Variants in VRK1 observed in about 807,000 individuals in gnomAD.
VRK1 encodes VRK serine/threonine kinase 1.
A neutral mutation model predicts 57.1 loss-of-function variants in VRK1; 33 were observed. That is an observed-to-expected ratio of 0.58 (90% CI 0.44 to 0.77). The LOEUF (loss-of-function observed/expected upper bound fraction) is 0.77, where lower values mean the gene tolerates loss of function less well. VRK1 is among the 30% of genes least tolerant of loss of function. The pLI is 0.00. For missense variants in VRK1, 413 were observed against 477.3 expected (o/e 0.87, Z 1.25); for synonymous variants, 137 against 147.8 (o/e 0.93, Z 0.53).
At chr14:96,837,454 A>G (rs1887264788) in intron 2 of VRK1, among the ~76,000 whole-genome samples, 1 of 152,222 alleles carries the variant, frequency 6.6e-6, no homozygotes, top group South Asian at 2.1e-4. Flanking sequence ...CACAATATCC[A>G]CTAGCATATC....
chr14:96,800,406 A>G (rs1008063399), intron 1 of VRK1, among the ~76,000 whole-genome samples: 10 of 152,120 alleles, frequency 6.6e-5, no homozygotes, highest in Admixed American at 1.3e-4. Flanking sequence ...TGAGTGACAT[A>G]TGGGCAACAC....
At chr14:96,862,955 GT>G (rs1888449367) in intron 11 of VRK1, among the ~76,000 whole-genome samples, 1 of 152,092 alleles carries the variant, frequency 6.6e-6, no homozygotes, top group Non-Finnish European at 1.5e-5. Flanking sequence ...TTGTATTTAG[GT>G]TCCTAAGAAA....
At chr14:96,853,649 AT>A (rs58517994) in intron 7 of VRK1, among the ~76,000 whole-genome samples, 38 of 148,710 alleles carry the variant, frequency 2.6e-4, no homozygotes, top group Non-Finnish European at 2.4e-4. Flanking sequence ...TCAAATGTGC[AT>A]TTTTTTTTTA....
intron 11 of VRK1, among the ~76,000 whole-genome samples, chr14:96,865,876 A>T (rs1888567523): frequency 6.6e-6 from 1 of 150,480 alleles, no homozygotes; most frequent in Admixed American, 6.6e-5. Context: ...TTCTGTAATG[A>T]TTGTTTTGTT....
At chr14:96,849,065 C>T (rs1312629843) in intron 5 of VRK1, among the ~76,000 whole-genome samples, 2 of 151,992 alleles carry the variant, frequency 1.3e-5, no homozygotes, top group African/African-American at 4.8e-5. Context: ...GAGAAGGAGT[C>T]GGTGGCAGAT....
rs536411111 is a variant in VRK1, at chr14:96,825,585, G to A, written c.-5-7882G>A. 2.6e-5 allele frequency among the ~76,000 whole-genome samples: 4 copies of A among 152,322 alleles called. No individual in the cohort carries two copies. In the East Asian group the frequency reaches 7.7e-4, roughly 29 times the overall value. On this transcript the variant is annotated intron_variant, in intron 1 of 12. Transcript: ENST00000216639. ...GAAAGTTATTTGTCACATGCAATAA[G>A]AGGTACAAACAGTACTGAAACTTCA... is the stretch of plus-strand genomic sequence containing the variant.
chr14:96,819,489 C>T (rs1314139031), intron 1 of VRK1, among the ~76,000 whole-genome samples: 1 of 152,084 alleles, frequency 6.6e-6, no homozygotes, highest in Non-Finnish European at 1.5e-5. Context: ...TGGAGTAAGG[C>T]CTTTACTGTT....
intron 12 of VRK1, among the ~76,000 whole-genome samples, chr14:96,878,129 CA>C (rs1288133661): frequency 6.6e-6 from 1 of 151,894 alleles, no homozygotes; most frequent in African/African-American, 2.4e-5. Flanking sequence ...CCCTAAAGTA[CA>C]ATGCGAGTTA....
intron 5 of VRK1, among the ~76,000 whole-genome samples, chr14:96,849,580 C>A (rs527579795): frequency 2.0e-5 from 3 of 152,234 alleles, no homozygotes; most frequent in African/African-American, 7.2e-5. Context: ...TCTTGTTTCC[C>A]TATGTGTGAG....
At position 96,853,142 on chromosome 14, in the gene VRK1, T is replaced by A; in HGVS notation, c.552T>A (p.Leu184=). 3 of 1,613,734 alleles carry A rather than the reference T, an allele frequency of 1.9e-6. No individual in the cohort carries two copies. Among genetic ancestry groups the A allele is most frequent in the Non-Finnish European group, 2.5e-6 (3 of 1,179,786 alleles). ...VHGDIKASNL[L]LNYKNPDQVY... The stretch of plus-strand genomic sequence containing the variant: ...GAGATATCAAGGCCTCAAATCTTCT[T>A]CTGAACTACAAGAATCCTGACCAGG... Residue 184 remains leucine, a synonymous_variant, in exon 7 of 13, where the codon CTT becomes CTA. Transcript: ENST00000216639.
At position 96,814,599 on chromosome 14, in the gene VRK1, C is replaced by T. The variant is rs552578424; in HGVS notation, c.-6+17152C>T. ...CTTCCCACCCTTAAGGCATTCTCTG[C>T]TACTAATTGATTATATAGCCTCCTA... On this transcript the variant is annotated intron_variant, in intron 1 of 12. Coordinates refer to ENST00000216639, the MANE Select transcript of VRK1 (RefSeq NM_003384.3). 8.5e-5 allele frequency among the ~76,000 whole-genome samples: 13 copies of T among 152,206 alleles called. No homozygotes were observed. The South Asian group carries it at 1.0e-3, about 12-fold the overall frequency.
intron 1 of VRK1, among the ~76,000 whole-genome samples, chr14:96,798,619 A>C (rs1188333970): frequency 6.6e-6 from 1 of 152,130 alleles, no homozygotes; most frequent in Non-Finnish European, 1.5e-5. Context: ...TGAGACTGAA[A>C]TTCAAGAGTA....
At chr14:96,876,242 G>C in intron 12 of VRK1, 122 bp downstream of exon 12, 1 of 840,092 alleles carries the variant, frequency 1.2e-6, no homozygotes, top group Admixed American at 1.7e-5. Context: ...AATACCACAA[G>C]ATTTTTATAT....
chr14:96,856,586 G>T lies in VRK1; in HGVS notation c.889G>T (p.Gly297Cys). The change falls in exon 10 of 13, where the codon GGT becomes TGT. Residue 297 changes from glycine to cysteine, a missense_variant and splice_region_variant. Coordinates refer to ENST00000216639, the MANE Select transcript of VRK1 (RefSeq NM_003384.3). ...DKCFPEKNKP[G>C]EIAKYMETVK... ...ATGTTTTCCTGAGAAAAACAAACCA[G>T]GTAGGAAATGACTTCTTCAGTGTTA... is the stretch of plus-strand genomic sequence containing the variant. 1 of 1,612,932 alleles carries T rather than the reference G, an allele frequency of 6.2e-7. No homozygotes were observed. The highest frequency in any genetic ancestry group is 1.1e-5 in the South Asian group (1 of 91,022).
At position 96,833,621 on chromosome 14, in the gene VRK1, T is replaced by A. The variant is rs747562164; in HGVS notation, c.150T>A (p.Cys50Ter). ...CCATTGGCCAAGGAGGCTTTGGCTG[T>A]ATATATCTTGGTAAGTGTGTGACTG... ...GLPIGQGGFG[C>*]IYLADMNSSE... is the part of the protein sequence containing the mutation. The change falls in exon 2 of 13, where the codon TGT (cysteine) becomes TGA (stop). Residue 50 changes from cysteine to a stop codon, truncating the protein, a stop_gained. Coordinates refer to ENST00000216639, the MANE Select transcript of VRK1 (RefSeq NM_003384.3). LOFTEE classifies it high-confidence loss of function. The A allele has an allele frequency of 6.2e-7, 1 of 1,613,662 alleles. No individual in the cohort carries two copies.
chr14:96,818,860 CA>C (rs35818345), intron 1 of VRK1, among the ~76,000 whole-genome samples: 1 of 152,032 alleles, frequency 6.6e-6, no homozygotes, highest in Non-Finnish European at 1.5e-5. Flanking sequence ...TTTTTGGGAT[CA>C]AAATGAAGAA....
intron 11 of VRK1, among the ~76,000 whole-genome samples, chr14:96,862,667 C>T (rs1052017977): frequency 6.6e-6 from 1 of 151,782 alleles, no homozygotes; most frequent in Admixed American, 6.6e-5. Flanking sequence ...TTGGGGGCTC[C>T]CTGCAATGAA....
intron 3 of VRK1, among the ~76,000 whole-genome samples, chr14:96,839,380 T>G (rs1210949667): frequency 6.6e-6 from 1 of 152,148 alleles, no homozygotes; most frequent in Non-Finnish European, 1.5e-5. Context: ...GAGTTGCTGG[T>G]TTATAGGGAA....
In VRK1 at chr14:96,862,228, C is replaced by T. The variant is rs546786150; in HGVS notation, c.1068+1493C>T. On this transcript the variant is annotated intron_variant, in intron 11 of 12. Coordinates refer to ENST00000216639, the MANE Select transcript of VRK1 (RefSeq NM_003384.3). ...CTGCTGCAGAGCTAACATCTGTGAC[C>T]TTATAATTCTGTGGTGTCCTTGGAT... Among the ~76,000 whole-genome samples, 4 of 152,298 alleles carry T rather than the reference C, an allele frequency of 2.6e-5. No individual in the cohort carries two copies. The South Asian group carries it at 8.3e-4, about 32-fold the overall frequency.
Sources: allele counts gnomAD v4.1 joint callset (sites outside exome capture counted in the v4.1 genomes callset), GRCh38; gene constraint gnomAD v4.1.1; transcripts MANE v1.5; gene names NCBI Gene and HGNC (gene_info 2026-07-23, HGNC 2026-07-21).